The following ARHGAP24 variants were observed in gnomAD, a reference collection of about 807,000 sequenced individuals.
ARHGAP24 encodes the protein Rho GTPase activating protein 24, also known as rho GTPase-activating protein 24.
In ARHGAP24, 50 loss-of-function variants were observed where a neutral mutation model predicts 76.4. That is an observed-to-expected ratio of 0.65 (90% CI 0.52 to 0.83). The LOEUF is 0.83. ARHGAP24 is among the 40% of genes least tolerant of loss of function. The probability of loss-of-function intolerance (pLI) is 0.00; values close to 1 mark genes in which losing one functional copy is unlikely to be tolerated. For missense variants in ARHGAP24, 930 were observed against 914.2 expected, an observed-to-expected ratio of 1.02 and a Z score of -0.22; for synonymous variants, 345 against 323.3, an observed-to-expected ratio of 1.07 and a Z score of -0.72.
chr4:85,647,807 G>A (rs1035595435), intron 2 of ARHGAP24, among the ~76,000 whole-genome samples: 8 of 151,984 alleles, frequency 5.3e-5, no homozygotes, highest in Non-Finnish European at 1.2e-4. Flanking sequence ...AATTGGAACC[G>A]TCTCCCTGTA....
chr4:85,837,454 T>G (rs1314661020), intron 3 of ARHGAP24, among the ~76,000 whole-genome samples: 1 of 152,092 alleles, frequency 6.6e-6, no homozygotes, highest in Non-Finnish European at 1.5e-5. Context: ...TGCACGTCCC[T>G]AAAGATGTAA....
intron 2 of ARHGAP24, among the ~76,000 whole-genome samples, chr4:85,692,339 G>A (rs777331474): frequency 1.3e-5 from 2 of 152,052 alleles, no homozygotes; most frequent in Non-Finnish European, 2.9e-5. Flanking sequence ...TATCTAGCCT[G>A]GGTTTTCTGT....
At chr4:85,918,095 G>A (rs879910413) in intron 3 of ARHGAP24, among the ~76,000 whole-genome samples, 69 of 151,974 alleles carry the variant, frequency 4.5e-4, no homozygotes, top group Admixed American at 5.2e-4. Context: ...ATGATGCATG[G>A]TTAACATCTG....
At chr4:85,796,449 A>C (rs572163297) in intron 3 of ARHGAP24, among the ~76,000 whole-genome samples, 1 of 152,284 alleles carries the variant, frequency 6.6e-6, no homozygotes, top group South Asian at 2.1e-4. Flanking sequence ...TTCTAGTTAC[A>C]AAAACTCAAC....
At chr4:85,756,302 A>C (rs1486102459) in intron 3 of ARHGAP24, among the ~76,000 whole-genome samples, 1 of 152,210 alleles carries the variant, frequency 6.6e-6, no homozygotes, top group East Asian at 1.9e-4. Flanking sequence ...GAAAGAATAC[A>C]TTTTTAGGAA....
intron 1 of ARHGAP24, among the ~76,000 whole-genome samples, chr4:85,542,772 T>G (rs538798296): frequency 1.5e-4 from 23 of 152,266 alleles, no homozygotes; most frequent in South Asian, 4.1e-4. Flanking sequence ...ATATTGATAG[T>G]GGTTGAGTGT....
At chr4:85,653,819 G>C (rs1207269494) in intron 2 of ARHGAP24, among the ~76,000 whole-genome samples, 1 of 152,102 alleles carries the variant, frequency 6.6e-6, no homozygotes, top group East Asian at 1.9e-4. Flanking sequence ...CCACATTTCA[G>C]ATGCTCAATA....
At chr4:85,547,852 C>CT (rs1402526789) in intron 1 of ARHGAP24, among the ~76,000 whole-genome samples, 12 of 152,118 alleles carry the variant, frequency 7.9e-5, no homozygotes, top group African/African-American at 2.9e-4. Context: ...ATTTAAATAT[C>CT]TTTTTTCTGT....
chr4:85,648,527 A>C lies in ARHGAP24; in HGVS notation c.181-73358A>C, dbSNP rs150697663. 9.2e-5 allele frequency among the ~76,000 whole-genome samples: 14 copies of C among 152,212 alleles called. No homozygotes were observed. The East Asian group carries it at 2.7e-3, about 29-fold the overall frequency. On this transcript the variant is annotated intron_variant, in intron 2 of 9. Transcript: ENST00000395184. ...ATACACTGGAGTTTTGGAAACAGAT[A>C]CATGAGCTTCACCCCACCCAGCACC...
chr4:85,959,030 CGTAGA>C (rs1291615882), intron 5 of ARHGAP24, among the ~76,000 whole-genome samples: 4 of 152,016 alleles, frequency 2.6e-5, no homozygotes, highest in African/African-American at 7.3e-5. Flanking sequence ...AGGGCGAGTC[CGTAGA>C]GTAAAGTGAC....
At chr4:85,865,733 T>C (rs1435858193) in intron 3 of ARHGAP24, among the ~76,000 whole-genome samples, 1 of 151,678 alleles carries the variant, frequency 6.6e-6, no homozygotes. Flanking sequence ...TTAATTTCAA[T>C]TAAGGATTAT....
intron 1 of ARHGAP24, among the ~76,000 whole-genome samples, chr4:85,516,639 G>A (rs1578197017): frequency 6.8e-6 from 1 of 147,676 alleles, no homozygotes; most frequent in East Asian, 2.0e-4. Flanking sequence ...GAGATTTTGT[G>A]GGTTTTTTTC....
intron 3 of ARHGAP24, among the ~76,000 whole-genome samples, chr4:85,805,193 T>A (rs970998594): frequency 3.9e-5 from 6 of 152,180 alleles, no homozygotes; most frequent in African/African-American, 1.4e-4. Context: ...AATGCCTTCA[T>A]TACCGATTAT....
intron 3 of ARHGAP24, among the ~76,000 whole-genome samples, chr4:85,898,051 ATATATAT>A: frequency 1.4e-5 from 2 of 145,432 alleles, no homozygotes; most frequent in African/African-American, 2.5e-5. Flanking sequence ...ATATATATAT[ATATATAT>A]AATTATTTTT....
At chr4:85,944,951 G>A (rs900932374) in intron 5 of ARHGAP24, among the ~76,000 whole-genome samples, 5 of 152,006 alleles carry the variant, frequency 3.3e-5, no homozygotes, top group African/African-American at 4.8e-5. Flanking sequence ...GGGTTCAAGC[G>A]ATTCTCCTGC....
intron 3 of ARHGAP24, among the ~76,000 whole-genome samples, chr4:85,845,257 A>G (rs1169270627): frequency 6.6e-6 from 1 of 152,210 alleles, no homozygotes; most frequent in African/African-American, 2.4e-5. Context: ...TAAAAATTGT[A>G]TTATACATAC....
At chr4:85,743,540 C>T (rs574007867) in intron 3 of ARHGAP24, among the ~76,000 whole-genome samples, 1 of 149,870 alleles carries the variant, frequency 6.7e-6, no homozygotes, top group South Asian at 2.1e-4. Context: ...TGTACTCTAG[C>T]CTACGTGACA....
intron 2 of ARHGAP24, among the ~76,000 whole-genome samples, chr4:85,647,996 G>A (rs931402313): frequency 6.6e-6 from 1 of 152,094 alleles, no homozygotes; most frequent in Non-Finnish European, 1.5e-5. Flanking sequence ...TAGAAAAATG[G>A]TTGCCATTGT....
chr4:85,684,345 T>C (rs1723342048), intron 2 of ARHGAP24, among the ~76,000 whole-genome samples: 1 of 152,216 alleles, frequency 6.6e-6, no homozygotes, highest in South Asian at 2.1e-4. Flanking sequence ...TTTTGATTTC[T>C]ATTTCTCTGA....
Sources: gnomAD v4.1 joint callset for allele counts (sites outside exome capture counted in the v4.1 genomes callset) on GRCh38, gnomAD v4.1.1 for gene constraint, MANE v1.5 for transcripts, NCBI Gene and HGNC (gene_info 2026-07-23, HGNC 2026-07-21) for gene names.